The following NEGR1 variants were observed in gnomAD, a reference collection of about 807,000 sequenced individuals.
The protein encoded by NEGR1 is IgLON family member 4.
In NEGR1, 10 loss-of-function variants were observed where a neutral mutation model predicts 40.9. The observed-to-expected ratio is 0.24, with a 90% CI of 0.15 to 0.42. The LOEUF is 0.42. NEGR1 is among the 10% of genes least tolerant of loss of function. The probability of loss-of-function intolerance (pLI) is 1.00; values close to 1 mark genes in which losing one functional copy is unlikely to be tolerated. For synonymous variants in NEGR1, 185 were observed against 166.8 expected, an observed-to-expected ratio of 1.11 and a Z score of -0.84; for missense variants, 352 against 438.9, an observed-to-expected ratio of 0.80 and a Z score of 1.77.
intron 1 of NEGR1, among the ~76,000 whole-genome samples, chr1:71,942,977 A>ATATATATATATATATATATATAT (rs1557446726): frequency 2.6e-4 from 31 of 119,508 alleles, no homozygotes; most frequent in Middle Eastern, 5.4e-3. Context: ...TATATATATA[A>ATATATATATATATATATATATAT]GTATATATGT....
intron 1 of NEGR1, among the ~76,000 whole-genome samples, chr1:72,261,127 G>A (rs1205928761): frequency 6.6e-6 from 1 of 152,012 alleles, no homozygotes; most frequent in Non-Finnish European, 1.5e-5. Flanking sequence ...AAACAAGTCA[G>A]AATATGAGCC....
chr1:72,061,260 A>G (rs567131812), intron 1 of NEGR1, among the ~76,000 whole-genome samples: 1 of 151,966 alleles, frequency 6.6e-6, no homozygotes, highest in South Asian at 2.1e-4. Context: ...AAAGGAGCAC[A>G]GTGACCTAAT....
intron 2 of NEGR1, among the ~76,000 whole-genome samples, chr1:71,813,237 G>A (rs753245231): frequency 2.6e-4 from 39 of 152,068 alleles, no homozygotes; most frequent in South Asian, 1.5e-3. Flanking sequence ...AGATCAGATG[G>A]TCGTAGATGT....
intron 1 of NEGR1, among the ~76,000 whole-genome samples, chr1:72,091,633 T>A (rs960827821): frequency 9.2e-5 from 14 of 151,924 alleles, no homozygotes; most frequent in African/African-American, 3.4e-4. Flanking sequence ...GAGAACTGAT[T>A]TTGCTTGGAT....
At chr1:71,428,593 A>G (rs935425855) in intron 6 of NEGR1, among the ~76,000 whole-genome samples, 1 of 151,560 alleles carries the variant, frequency 6.6e-6, no homozygotes, top group African/African-American at 2.4e-5. Flanking sequence ...ATATTCTTAG[A>G]CCTATCATGT....
chr1:71,526,278 AT>A (rs1355014989), intron 6 of NEGR1, among the ~76,000 whole-genome samples: 1 of 151,564 alleles, frequency 6.6e-6, no homozygotes, highest in African/African-American at 2.4e-5. Flanking sequence ...AAGCTTGATT[AT>A]TTTAAATTAG....
At chr1:72,014,436 T>G (rs1646690282) in intron 1 of NEGR1, among the ~76,000 whole-genome samples, 1 of 152,030 alleles carries the variant, frequency 6.6e-6, no homozygotes, top group Non-Finnish European at 1.5e-5. Context: ...TTAACTCACT[T>G]GAAAAATGCT....
At chr1:71,733,768 A>G (rs1459793) in intron 3 of NEGR1, among the ~76,000 whole-genome samples, 57,392 of 151,966 alleles carry the variant, frequency 0.38, 11,205 homozygotes, top group East Asian at 0.6. Context: ...ATATAATTGT[A>G]GACCAAAATA....
Position 72,235,923 on chromosome 1 carries a change from T to C in NEGR1, c.176+46396A>G, listed in dbSNP as rs1654530398. On this transcript the variant is annotated intron_variant, in intron 1 of 6. Coordinates refer to ENST00000357731, the MANE Select transcript of NEGR1 (RefSeq NM_173808.3). ...TGAAAGTGAATTTTTTAAAGTGAGG[T>C]AGTAAAACTCAAAAAGCCCAAAGGA... is the stretch of plus-strand genomic sequence containing the variant. Among the ~76,000 whole-genome samples, 3 of 152,028 alleles carry C rather than the reference T, an allele frequency of 2.0e-5. No homozygotes were observed. In the South Asian group the frequency reaches 6.2e-4, roughly 32 times the overall value.
chr1:71,886,334 G>C (rs989689371), intron 2 of NEGR1, among the ~76,000 whole-genome samples: 2 of 151,892 alleles, frequency 1.3e-5, no homozygotes, highest in African/African-American at 2.4e-5. Context: ...AAAACCTAAA[G>C]TTTCTATTGC....
chr1:72,110,631 T>C (rs1649324458), intron 1 of NEGR1, among the ~76,000 whole-genome samples: 1 of 151,694 alleles, frequency 6.6e-6, no homozygotes, highest in Admixed American at 6.6e-5. Context: ...GCTATGTAAT[T>C]AACCCTTAAT....
Position 72,071,279 on chromosome 1 carries a change from A to T in NEGR1, c.177-135968T>A, listed in dbSNP as rs896427400. On this transcript the variant is annotated intron_variant, in intron 1 of 6. Coordinates refer to ENST00000357731, the MANE Select transcript of NEGR1 (RefSeq NM_173808.3). Reference sequence around the variant, plus strand: ...TAAATCAAAAGAAATCATCCAGTGAACAGCAAGAAAAAAATGGAAAATATT... The same window carrying T: ...TAAATCAAAAGAAATCATCCAGTGATCAGCAAGAAAAAAATGGAAAATATT... Among the ~76,000 whole-genome samples, 7 of 152,122 alleles carry T rather than the reference A, an allele frequency of 4.6e-5. 1 individual carries two copies. The South Asian group carries it at 8.3e-4, about 18-fold the overall frequency.
At chr1:71,737,322 G>T (rs190479070) in intron 3 of NEGR1, among the ~76,000 whole-genome samples, 2 of 150,200 alleles carry the variant, frequency 1.3e-5, no homozygotes, top group South Asian at 4.2e-4. Context: ...TCAAACACCC[G>T]TTGGACAGAG....
intron 1 of NEGR1, among the ~76,000 whole-genome samples, chr1:72,226,541 GA>G: frequency 6.6e-6 from 1 of 151,980 alleles, no homozygotes; most frequent in African/African-American, 2.4e-5. Flanking sequence ...ACTGTCCAAG[GA>G]GAACTTACAT....
intron 1 of NEGR1, among the ~76,000 whole-genome samples, chr1:72,174,823 G>A (rs1447663060): frequency 6.6e-6 from 1 of 151,970 alleles, no homozygotes; most frequent in Non-Finnish European, 1.5e-5. Flanking sequence ...CAATCTAAGG[G>A]AGGCAACGAA....
chr1:71,421,623 C>T (rs1303343338), intron 6 of NEGR1, among the ~76,000 whole-genome samples: 3 of 152,020 alleles, frequency 2.0e-5, no homozygotes, highest in Non-Finnish European at 4.4e-5. Flanking sequence ...ACACTAACTT[C>T]ACTTATATTC....
chr1:71,562,977 T>G (rs1648507301), intron 6 of NEGR1, among the ~76,000 whole-genome samples: 1 of 151,994 alleles, frequency 6.6e-6, no homozygotes, highest in South Asian at 2.1e-4. Context: ...ACTTCTGCTA[T>G]TTCATTGGCC....
At chr1:71,727,522 C>T (rs1281444461) in intron 3 of NEGR1, among the ~76,000 whole-genome samples, 1 of 152,108 alleles carries the variant, frequency 6.6e-6, no homozygotes, top group Non-Finnish European at 1.5e-5. Context: ...TCACTCAATT[C>T]ATTTTCAAGG....
chr1:72,142,243 G>T (rs1650708470), intron 1 of NEGR1, among the ~76,000 whole-genome samples: 1 of 151,740 alleles, frequency 6.6e-6, no homozygotes, highest in African/African-American at 2.4e-5. Flanking sequence ...GTCAGAGTGT[G>T]ATTTTTTTCA....
Sources: allele counts gnomAD v4.1 joint callset (sites outside exome capture counted in the v4.1 genomes callset), GRCh38; gene constraint gnomAD v4.1.1; transcripts MANE v1.5; gene names NCBI Gene and HGNC (gene_info 2026-07-23, HGNC 2026-07-21).